ASTN2: variants seen among roughly 807,000 people sequenced by gnomAD.
ASTN2 encodes astrotactin-2.
A neutral mutation model predicts 139.8 loss-of-function variants in ASTN2; 54 were observed. The observed-to-expected ratio is 0.39, with a 90% CI of 0.31 to 0.48. The LOEUF (loss-of-function observed/expected upper bound fraction) is 0.48. Among genes scored for constraint, ASTN2 ranks in the 20% least tolerant of loss-of-function variants. The pLI, the probability that ASTN2 is intolerant of heterozygous loss-of-function variation, is 0.95. For missense variants in ASTN2, 1,565 were observed against 1,725.1 expected, an observed-to-expected ratio of 0.91 and a Z score of 1.64; for synonymous variants, 756 against 719.5, an observed-to-expected ratio of 1.05 and a Z score of -0.81.
intron 7 of ASTN2, among the ~76,000 whole-genome samples, chr9:117,001,839 A>G (rs780293259): frequency 2.6e-5 from 4 of 152,174 alleles, no homozygotes; most frequent in Non-Finnish European, 5.9e-5. Flanking sequence ...GATAATAGCT[A>G]TATATGAGCA....
At chr9:117,205,366 A>G in intron 3 of ASTN2, among the ~76,000 whole-genome samples, 1 of 152,136 alleles carries the variant, frequency 6.6e-6, no homozygotes, top group East Asian at 1.9e-4. Flanking sequence ...TGGGGTAGGT[A>G]TTTTACACAT....
chr9:116,576,584 G>A (rs1472984646), intron 19 of ASTN2, among the ~76,000 whole-genome samples: 1 of 152,144 alleles, frequency 6.6e-6, no homozygotes, highest in African/African-American at 2.4e-5. Flanking sequence ...GGACAGGAAT[G>A]CAGGAAGTGC....
chr9:116,562,478 T>C (rs1852963848), intron 19 of ASTN2, among the ~76,000 whole-genome samples: 1 of 151,960 alleles, frequency 6.6e-6, no homozygotes, highest in African/African-American at 2.4e-5. Flanking sequence ...GGCTCACATC[T>C]GTAATCCCAG....
chr9:116,966,175 G>A (rs113017186), intron 10 of ASTN2, among the ~76,000 whole-genome samples: 3,688 of 152,226 alleles, frequency 0.024, 170 homozygotes, highest in African/African-American at 0.085. Context: ...AACTTCTAAT[G>A]CAGATATAAC....
At chr9:116,455,705 A>G (rs1848311669) in intron 20 of ASTN2, among the ~76,000 whole-genome samples, 1 of 152,016 alleles carries the variant, frequency 6.6e-6, no homozygotes, top group Non-Finnish European at 1.5e-5. Context: ...AACAGCAACA[A>G]TAAAAAAGGC....
rs1240593601 is a variant in ASTN2 at position 116,565,381 on chromosome 9, CTCTCTCCATATATATATA to C, written c.3355+52925_3355+52942del. 7.5e-3 allele frequency among the ~76,000 whole-genome samples: 261 copies of C among 34,688 alleles called. 5 individuals are homozygous for C. Among genetic ancestry groups the C allele is most frequent in the Non-Finnish European group, 0.01 (202 of 19,912 alleles). The allele number at this position is 34,688 out of a possible 152,430, so 22.8% of individuals were successfully genotyped here. A position where few individuals can be genotyped will look rare whatever the true frequency, so the allele number is the denominator to read the frequency against. On this transcript the variant is annotated intron_variant, in intron 19 of 22. Transcript: ENST00000313400. Reference sequence around the variant, plus strand: ...TCTCTCTCTCTCTCTCTCTCTCTCTCTCTCTCCATATATATATATATATATATATATATATATATATAT... The same window carrying C: ...TCTCTCTCTCTCTCTCTCTCTCTCTCTATATATATATATATATATATATAT...
intron 19 of ASTN2, among the ~76,000 whole-genome samples, chr9:116,565,845 T>A (rs1853206974): frequency 6.6e-6 from 1 of 152,178 alleles, no homozygotes; most frequent in Non-Finnish European, 1.5e-5. Context: ...TACAACCTAC[T>A]AATGGATTAT....
chr9:116,983,005 C>T (rs13284239), intron 7 of ASTN2, among the ~76,000 whole-genome samples: 68,600 of 152,038 alleles, frequency 0.45, 18,435 homozygotes, highest in South Asian at 0.66. Flanking sequence ...CATAAGCCAT[C>T]CTGGCTGTCT....
chr9:116,654,383 A>G (rs1858092859), intron 16 of ASTN2, among the ~76,000 whole-genome samples: 1 of 152,322 alleles, frequency 6.6e-6, no homozygotes, highest in East Asian at 1.9e-4. Context: ...GACCTAGTTT[A>G]CAGGTGGGGA....
intron 3 of ASTN2, among the ~76,000 whole-genome samples, chr9:117,176,922 T>G (rs1435620955): frequency 6.6e-6 from 1 of 152,188 alleles, no homozygotes; most frequent in African/African-American, 2.4e-5. Flanking sequence ...AGACCTTGTC[T>G]CTAAAAAATA....
intron 2 of ASTN2, among the ~76,000 whole-genome samples, chr9:117,258,014 T>C (rs1477186262): frequency 6.6e-6 from 1 of 152,206 alleles, no homozygotes; most frequent in African/African-American, 2.4e-5. Flanking sequence ...CTGCTCAAGA[T>C]GCCAGCTTGG....
intron 17 of ASTN2, among the ~76,000 whole-genome samples, chr9:116,632,232 A>AGAAAGAAGGAAG (rs1554723330): frequency 1.5e-5 from 2 of 130,728 alleles, no homozygotes; most frequent in African/African-American, 3.3e-5. Flanking sequence ...AAAGAAAGAA[A>AGAAAGAAGGAAG]GAAAGAAAGA....
chr9:117,125,054 G>T (rs1829653227), intron 4 of ASTN2, among the ~76,000 whole-genome samples: 2 of 152,108 alleles, frequency 1.3e-5, no homozygotes, highest in African/African-American at 4.8e-5. Flanking sequence ...AAAATCAAAT[G>T]GCACATGAAT....
chr9:117,247,633 C>A (rs1162616314), intron 2 of ASTN2, among the ~76,000 whole-genome samples: 1 of 152,256 alleles, frequency 6.6e-6, no homozygotes. Context: ...TGTCATCCAG[C>A]ACCAGCAGCT....
intron 5 of ASTN2, among the ~76,000 whole-genome samples, chr9:117,072,764 T>G (rs1480625197): frequency 6.6e-6 from 1 of 152,140 alleles, no homozygotes; most frequent in African/African-American, 2.4e-5. Context: ...AACTAAGGTA[T>G]ATAGAATTTA....
chr9:116,495,667 G>GA (rs1849646310), intron 19 of ASTN2, among the ~76,000 whole-genome samples: 1 of 152,238 alleles, frequency 6.6e-6, no homozygotes, highest in East Asian at 1.9e-4. Flanking sequence ...TTTTATAAAT[G>GA]AAAAAATAAT....
chr9:117,127,806 C>T, intron 4 of ASTN2, among the ~76,000 whole-genome samples: 1 of 151,112 alleles, frequency 6.6e-6, no homozygotes, highest in South Asian at 2.1e-4. Flanking sequence ...TCAGCCTCCC[C>T]AGTATCTGGG....
intron 13 of ASTN2, among the ~76,000 whole-genome samples, chr9:116,787,990 TA>T (rs1344117867): frequency 6.6e-6 from 1 of 152,160 alleles, no homozygotes; most frequent in African/African-American, 2.4e-5. Context: ...TAAAACTGTT[TA>T]AAATAAAAAA....
chr9:116,563,484 T>C (rs1338542903), intron 19 of ASTN2, among the ~76,000 whole-genome samples: 1 of 152,186 alleles, frequency 6.6e-6, no homozygotes, highest in African/African-American at 2.4e-5. Context: ...AATGATCTCT[T>C]TGTCATCCTC....
Sources: gnomAD v4.1 joint callset for allele counts (sites outside exome capture counted in the v4.1 genomes callset) on GRCh38, gnomAD v4.1.1 for gene constraint, MANE v1.5 for transcripts, NCBI Gene and HGNC (gene_info 2026-07-23, HGNC 2026-07-21) for gene names.